Variants in SLC37A3 observed in about 807,000 individuals in gnomAD.
The protein encoded by SLC37A3 is sugar phosphate exchanger 3.
SLC37A3 carries 51 observed loss-of-function variants against 67.1 expected under a neutral mutation model. The observed-to-expected ratio is 0.76, with a 90% CI of 0.61 to 0.96. SLC37A3 has a LOEUF of 0.96. Ranked by LOEUF, SLC37A3 falls within the 40% of genes least tolerant of loss-of-function variation. SLC37A3 has a pLI of 0.00. For synonymous variants in SLC37A3, 214 were observed against 231.4 expected, an observed-to-expected ratio of 0.92 and a Z score of 0.68; for missense variants, 508 against 603.0, an observed-to-expected ratio of 0.84 and a Z score of 1.65.
chr7:140,372,096 T>C (rs1255886213), intron 3 of SLC37A3, among the ~76,000 whole-genome samples: 4 of 152,132 alleles, frequency 2.6e-5, no homozygotes, highest in African/African-American at 9.7e-5. Context: ...GTGATCCACC[T>C]GCCTCGGCCT....
At chr7:140,348,460 T>C (rs939320435) in intron 10 of SLC37A3, 166 bp downstream of exon 10, 4 of 558,986 alleles carry the variant, frequency 7.2e-6, no homozygotes, top group Non-Finnish European at 1.0e-5. Flanking sequence ...TTCTTTTCTT[T>C]TCTTTTTTTT....
At chr7:140,387,804 TACATAA>T (rs1358245521) in intron 1 of SLC37A3, among the ~76,000 whole-genome samples, 1 of 69,346 alleles carries the variant, frequency 1.4e-5, no homozygotes, top group Non-Finnish European at 2.5e-5. Context: ...ATATATATTA[TACATAA>T]ATATAAATAT....
intron 6 of SLC37A3, 99 bp from the exon 7 acceptor site, chr7:140,355,863 A>G (rs968971289): frequency 2.1e-6 from 2 of 950,568 alleles, no homozygotes; most frequent in African/African-American, 3.3e-5. Context: ...GGTGCATACT[A>G]CCAAGACTAA....
intron 7 of SLC37A3, among the ~76,000 whole-genome samples, chr7:140,353,438 T>TA (rs1367829944): frequency 6.6e-6 from 1 of 151,378 alleles, no homozygotes; most frequent in East Asian, 2.0e-4. Context: ...GATCACGCCA[T>TA]TGCACTCCAG....
At chr7:140,377,499 A>AT (rs997848469) in intron 3 of SLC37A3, among the ~76,000 whole-genome samples, 5 of 152,214 alleles carry the variant, frequency 3.3e-5, no homozygotes, top group African/African-American at 1.2e-4. Flanking sequence ...TCTAATGATT[A>AT]TTATCTATAG....
At chr7:140,372,944 A>C (rs1241436857) in intron 3 of SLC37A3, among the ~76,000 whole-genome samples, 2 of 151,776 alleles carry the variant, frequency 1.3e-5, no homozygotes, top group Non-Finnish European at 2.9e-5. Flanking sequence ...GTAGGCCTTG[A>C]GTACAATAAT....
At chr7:140,393,500 C>T (rs982310833) in intron 1 of SLC37A3, among the ~76,000 whole-genome samples, 4 of 152,182 alleles carry the variant, frequency 2.6e-5, no homozygotes, top group Non-Finnish European at 5.9e-5. Flanking sequence ...CAACTCCCCA[C>T]ACCAAATCCC....
chr7:140,337,306 AC>A lies in SLC37A3; in HGVS notation c.1369del (p.Val457PhefsTer8). The A allele has an allele frequency of 6.2e-7, 1 of 1,601,192 alleles. No homozygotes were observed. Among genetic ancestry groups the A allele is most frequent in the Non-Finnish European group, 8.5e-7 (1 of 1,174,724 alleles). ...TACCATGAGAATGAAAAAGTAGAAA[AC>A]CCACATCCATCCTAGCTTGTCCCGG... ...LIRDKLGWMWVFYFFILMTSC... is the reference protein window; with the variant it reads ...LIRDKLGWMWXFYFFILMTSC... On this transcript the variant is annotated frameshift_variant, in exon 14 of 15. Coordinates refer to ENST00000326232, the MANE Select transcript of SLC37A3 (RefSeq NM_207113.3). LOFTEE classifies it high-confidence loss of function.
chr7:140,382,674 T>C, intron 1 of SLC37A3, 78 bp from the exon 2 acceptor site: 1 of 662,358 alleles, frequency 1.5e-6, no homozygotes, highest in Non-Finnish European at 2.5e-6. Flanking sequence ...AGATTTACAG[T>C]CACCATATAA....
chr7:140,335,355 G>A lies in SLC37A3; in HGVS notation c.*57C>T, dbSNP rs372795507. The A allele has an allele frequency of 1.8e-5, 29 of 1,613,950 alleles. No homozygotes were observed. The highest frequency in any genetic ancestry group is 5.0e-5 in the Admixed American group (3 of 59,992). On this transcript the variant is annotated 3_prime_UTR_variant, in exon 15 of 15. Coordinates refer to ENST00000326232, the MANE Select transcript of SLC37A3 (RefSeq NM_207113.3). ...GACAAACCCAAATTAGGGCAGACTC[G>A]AAGCCCCAGCGGTCCTGATGTGGCT...
At chr7:140,373,226 G>A (rs1424963411) in intron 3 of SLC37A3, among the ~76,000 whole-genome samples, 1 of 152,068 alleles carries the variant, frequency 6.6e-6, no homozygotes, top group Non-Finnish European at 1.5e-5. Context: ...AAAGTGCTGG[G>A]ATTACAGTAG....
chr7:140,361,204 C>CACACCCCTATCCTGT (rs376620665), intron 5 of SLC37A3, among the ~76,000 whole-genome samples: 55,526 of 150,784 alleles, frequency 0.37, 11,431 homozygotes, highest in Non-Finnish European at 0.46. Context: ...AGGATAGGGC[C>CACACCCCTATCCTGT]AGGTGCGGTG....
chr7:140,361,833 G>C (rs1296311368), intron 5 of SLC37A3, among the ~76,000 whole-genome samples: 3 of 142,870 alleles, frequency 2.1e-5, no homozygotes, highest in Non-Finnish European at 4.6e-5. Flanking sequence ...ATTGCAGACG[G>C]AGTCTCGTTC....
intron 5 of SLC37A3, among the ~76,000 whole-genome samples, chr7:140,362,064 G>A (rs1447452125): frequency 2.5e-5 from 3 of 118,698 alleles, no homozygotes; most frequent in Admixed American, 2.4e-4. Flanking sequence ...TGGAAAGTGA[G>A]GAGCGTCTCT....
intron 5 of SLC37A3, among the ~76,000 whole-genome samples, chr7:140,361,567 G>C (rs1394654995): frequency 8.4e-6 from 1 of 119,544 alleles, no homozygotes. Flanking sequence ...CTCTCTCCAC[G>C]GTCTCCTTCC....
chr7:140,353,351 C>T (rs1323741073), intron 7 of SLC37A3, among the ~76,000 whole-genome samples: 2 of 151,780 alleles, frequency 1.3e-5, no homozygotes, highest in African/African-American at 4.8e-5. Flanking sequence ...GGCGTGGTGG[C>T]GTACACCTGT....
chr7:140,358,713 C>A lies in SLC37A3; in HGVS notation c.448G>T (p.Val150Leu). 6.2e-7 allele frequency: 1 copy of A among 1,614,166 alleles called. No homozygotes were observed. Among genetic ancestry groups the A allele is most frequent in the Non-Finnish European group, 8.5e-7 (1 of 1,180,038 alleles). ...CCAGTGGACTGCAGCAGGCCGTTCA[C>A]AATCCACAGGCAGCAGTACAGCCAT... Reference protein sequence around the residue: ...NKWLYCCLWIVNGLLQSTGWP... With the variant: ...NKWLYCCLWILNGLLQSTGWP... The change falls in exon 6 of 15, where the codon GTG (valine) becomes TTG (leucine). Residue 150 changes from valine (V) to leucine (L), a missense_variant. Val to Leu is a conservative substitution (Grantham distance 32). Transcript: ENST00000326232.
At chr7:140,384,172 C>G (rs1798360235) in intron 1 of SLC37A3, among the ~76,000 whole-genome samples, 1 of 152,046 alleles carries the variant, frequency 6.6e-6, no homozygotes, top group Non-Finnish European at 1.5e-5. Context: ...CATTTATAAT[C>G]ATTTGTCACG....
At chr7:140,339,589 T>C (rs1796277066) in intron 13 of SLC37A3, among the ~76,000 whole-genome samples, 1 of 151,872 alleles carries the variant, frequency 6.6e-6, no homozygotes, top group African/African-American at 2.4e-5. Flanking sequence ...GGGAAATACC[T>C]AGGAGTGCTG....
Sources: gnomAD v4.1 joint callset for allele counts (sites outside exome capture counted in the v4.1 genomes callset) on GRCh38, gnomAD v4.1.1 for gene constraint, MANE v1.5 for transcripts, NCBI Gene and HGNC (gene_info 2026-07-23, HGNC 2026-07-21) for gene names.